The following HNRNPAB variants were observed in gnomAD, a reference collection of about 807,000 sequenced individuals.
HNRNPAB encodes the protein ABBP-1.
A neutral mutation model predicts 44.1 loss-of-function variants in HNRNPAB; 17 were observed. The ratio of observed to expected loss-of-function variants is 0.39; its 90% CI spans 0.26 to 0.58. The LOEUF is 0.58. HNRNPAB is among the 20% of genes least tolerant of loss of function. The pLI, the probability that HNRNPAB is intolerant of heterozygous loss-of-function variation, is 0.63. For synonymous variants in HNRNPAB, 183 were observed against 167.6 expected (o/e 1.09, Z -0.71); for missense variants, 393 against 432.7 (o/e 0.91, Z 0.81).
At chr5:178,205,708 A>G (rs1371196154) in intron 2 of HNRNPAB, 134 bp from the exon 3 acceptor site, 2 of 774,438 alleles carry the variant, frequency 2.6e-6, no homozygotes, top group Non-Finnish European at 4.2e-6. Context: ...GAGATTTAAC[A>G]TCTTTCTAAG....
chr5:178,208,205 G>T (rs1451967361), intron 5 of HNRNPAB, among the ~76,000 whole-genome samples: 2 of 152,200 alleles, frequency 1.3e-5, no homozygotes, highest in Non-Finnish European at 2.9e-5. Flanking sequence ...GCAGGGTGTG[G>T]CAGGTTCTGT....
At chr5:178,210,436 G>C in intron 7 of HNRNPAB, 117 bp from the exon 8 acceptor site, 1 of 1,510,144 alleles carries the variant, frequency 6.6e-7, no homozygotes, top group Non-Finnish European at 9.1e-7. Flanking sequence ...TTAATAACAT[G>C]AGGAAGGCAG....
chr5:178,209,705 G>A (rs927142813), intron 6 of HNRNPAB, among the ~76,000 whole-genome samples: 100 of 152,148 alleles, frequency 6.6e-4, no homozygotes, highest in African/African-American at 2.3e-3. Flanking sequence ...GATGTGATGG[G>A]TGTCTTGGCT....
At chr5:178,206,366 G>A (rs1757057709) in intron 3 of HNRNPAB, among the ~76,000 whole-genome samples, 1 of 152,200 alleles carries the variant, frequency 6.6e-6, no homozygotes, top group Non-Finnish European at 1.5e-5. Flanking sequence ...CTAAGGCTCA[G>A]AAATGTAAGT....
intron 2 of HNRNPAB, among the ~76,000 whole-genome samples, 155 bp downstream of exon 2, chr5:178,205,201 C>T (rs1371724704): frequency 6.6e-6 from 1 of 150,708 alleles, no homozygotes; most frequent in Non-Finnish European, 1.5e-5. Flanking sequence ...CCGGGCCTGG[C>T]GCTGCCACTC....
At position 178,210,778 on chromosome 5, in the gene HNRNPAB, G is replaced by A. The variant is rs981092143; in HGVS notation, c.*155G>A. On this transcript the variant is annotated 3_prime_UTR_variant, in exon 8 of 8. Coordinates refer to ENST00000358344, the MANE Select transcript of HNRNPAB (RefSeq NM_031266.3). Reference sequence around the variant, plus strand: ...CCCCCATGGAAATCACTCTCCTGTTGACTATTTCCAGAGCTCTAGGTGTTT... The same window carrying A: ...CCCCCATGGAAATCACTCTCCTGTTAACTATTTCCAGAGCTCTAGGTGTTT... 3 of 665,336 alleles carry A rather than the reference G, an allele frequency of 4.5e-6. No homozygotes were observed. Among genetic ancestry groups the A allele is most frequent in the Non-Finnish European group, 5.4e-6 (2 of 369,600 alleles). The allele number at this position is 665,336 out of a possible 1,614,324, so 41.2% of individuals were successfully genotyped here.
rs1379002766 is a variant in HNRNPAB at position 178,204,961 on chromosome 5, G to T, written c.124G>T (p.Gly42Cys). The change falls in exon 2 of 8, where the codon GGC becomes TGC. Residue 42 changes from glycine to cysteine, a missense_variant. Gly to Cys is a radical substitution (Grantham distance 159). Around this residue, in one of 3 missense-constraint regions of HNRNPAB, gnomAD observed 81 missense variants for 73.4 expected, o/e 1.10. Coordinates refer to ENST00000358344, the MANE Select transcript of HNRNPAB (RefSeq NM_031266.3). ...CACGGGCGCCGCGGCGGGGGCTGGAGGCGCGACCGCGGCGCCCCCGAGCGG... is the reference window on the plus strand; with the variant it reads ...CACGGGCGCCGCGGCGGGGGCTGGATGCGCGACCGCGGCGCCCCCGAGCGG... ...AGTGAAAGAG[G>C]ATAAPPSGNQ... 9 of 1,209,972 alleles carry T rather than the reference G, an allele frequency of 7.4e-6. No homozygotes were observed. In the East Asian group the frequency reaches 3.0e-4, roughly 40 times the overall value. 75.0% of individuals were successfully genotyped at this position (1,209,972 alleles called of 1,614,324 possible). A position where few individuals can be genotyped will look rare whatever the true frequency, so the allele number is the denominator to read the frequency against.
At chr5:178,205,118 G>T in intron 2 of HNRNPAB, 72 bp downstream of exon 2, 1 of 1,091,108 alleles carries the variant, frequency 9.2e-7, no homozygotes, top group Non-Finnish European at 1.1e-6. Flanking sequence ...GCCACGCGGC[G>T]GGGGGAGGGG....
At chr5:178,205,676 G>T in intron 2 of HNRNPAB, 166 bp from the exon 3 acceptor site, 1 of 643,534 alleles carries the variant, frequency 1.6e-6, no homozygotes, top group South Asian at 2.1e-5. Context: ...GGTCCTGGTT[G>T]AGTTCAATTT....
chr5:178,205,650 T>C (rs1757027065), intron 2 of HNRNPAB, 192 bp from the exon 3 acceptor site: 1 of 576,072 alleles, frequency 1.7e-6, no homozygotes, highest in South Asian at 2.3e-5. Context: ...TGCAGAGCCT[T>C]GTTAAGCCTC....
At position 178,209,391 on chromosome 5, in the gene HNRNPAB, G is replaced by A. The variant is rs1757455217; in HGVS notation, c.731G>A (p.Gly244Asp). ...CAGCAGCAGCAGTATGGCTCTGGGG[G>A]CCGTGGAAACCGCAACCGAGGGAAC... ...VYQQQQYGSG[G>D]RGNRNRGNRG... is the part of the protein sequence containing the mutation. Residue 244 changes from glycine (G) to aspartate (D), a missense_variant, in exon 6 of 8, where the codon GGC becomes GAC. Around this residue, in one of 3 missense-constraint regions of HNRNPAB, gnomAD observed 210 missense variants for 196.9 expected, o/e 1.07. Coordinates refer to ENST00000358344, the MANE Select transcript of HNRNPAB (RefSeq NM_031266.3). The A allele has an allele frequency of 6.2e-7, 1 of 1,614,200 alleles. No individual in the cohort carries two copies. The highest frequency in any genetic ancestry group is 8.5e-7 in the Non-Finnish European group (1 of 1,180,030).
intron 7 of HNRNPAB, 117 bp from the exon 8 acceptor site, chr5:178,210,436 G>T: frequency 6.6e-7 from 1 of 1,510,144 alleles, no homozygotes. Context: ...TTAATAACAT[G>T]AGGAAGGCAG....
rs11546685 is a variant in HNRNPAB at position 178,204,945 on chromosome 5, C to T, written c.108C>T (p.Ala36=). 2.5e-6 allele frequency: 3 copies of T among 1,209,986 alleles called. No individual in the cohort carries two copies. The highest frequency in any genetic ancestry group is 4.4e-5 in the Admixed American group (1 of 22,882). The allele number at this position is 1,209,986 out of a possible 1,614,324, so 75.0% of individuals were successfully genotyped here. ...GESPAGAGTG[A]AAGAGGATAA... is the part of the protein sequence containing the mutation. Reference sequence around the variant, plus strand: ...CGCCGGCCGGGGCTGGCACGGGCGCCGCGGCGGGGGCTGGAGGCGCGACCG... The same window carrying T: ...CGCCGGCCGGGGCTGGCACGGGCGCTGCGGCGGGGGCTGGAGGCGCGACCG... Residue 36 remains alanine (A), a synonymous_variant, in exon 2 of 8, where the codon GCC becomes GCT. Coordinates refer to ENST00000358344, the MANE Select transcript of HNRNPAB (RefSeq NM_031266.3).
At position 178,210,150 on chromosome 5, in the gene HNRNPAB, A is replaced by G; in HGVS notation, c.806A>G (p.Asn269Ser). 6.2e-7 allele frequency: 1 copy of G among 1,614,120 alleles called. No individual in the cohort carries two copies. Among genetic ancestry groups the G allele is most frequent in the Non-Finnish European group, 8.5e-7 (1 of 1,179,954 alleles). ...GGGGGQSQSWNQGYGNYWNQG... is the reference protein window; with the variant it reads ...GGGGGQSQSWSQGYGNYWNQG... ...CCCACAGGTCAGAGTCAGAGTTGGA[A>G]TCAGGGCTACGGCAACTACTGGAAC... The change falls in exon 7 of 8, where the codon AAT (asparagine) becomes AGT (serine). Residue 269 changes from asparagine to serine, a missense_variant. By Grantham distance (46) the Asn-to-Ser change is conservative (BLOSUM62 1). Around this residue, in one of 3 missense-constraint regions of HNRNPAB, gnomAD observed 210 missense variants for 196.9 expected, o/e 1.07. Transcript: ENST00000358344.
intron 7 of HNRNPAB, 73 bp from the exon 8 acceptor site, chr5:178,210,480 A>T: frequency 6.6e-7 from 1 of 1,508,824 alleles, no homozygotes; most frequent in Non-Finnish European, 9.2e-7. Context: ...GGTCCTGGGA[A>T]GATGCATATC....
chr5:178,210,346 T>C (rs1757843077), intron 7 of HNRNPAB, 74 bp downstream of exon 7: 2 of 1,603,842 alleles, frequency 1.2e-6, no homozygotes, highest in Non-Finnish European at 8.5e-7. Flanking sequence ...TAGGAGCCAC[T>C]GGCAGCAGGG....
intron 6 of HNRNPAB, 42 bp from the exon 7 acceptor site, chr5:178,210,090 G>A: frequency 1.2e-6 from 2 of 1,607,830 alleles, no homozygotes; most frequent in Middle Eastern, 1.7e-4. Flanking sequence ...TCCTGCGTAT[G>A]CTAAATGGTC....
In HNRNPAB at chr5:178,205,825, T is replaced by A. The variant is rs1188266369; in HGVS notation, c.210-17T>A. On this transcript the variant is annotated splice_polypyrimidine_tract_variant and intron_variant, in intron 2 of 7. Coordinates refer to ENST00000358344, the MANE Select transcript of HNRNPAB (RefSeq NM_031266.3). ...CTTACAAGACTTGTTGCCGTGTGTC[T>A]CACCCTACCATTTCAGAAAAATGTT... is the stretch of plus-strand genomic sequence containing the variant. 6.2e-7 allele frequency: 1 copy of A among 1,609,226 alleles called. No individual in the cohort carries two copies. The highest frequency in any genetic ancestry group is 1.1e-5 in the South Asian group (1 of 90,512).
chr5:178,209,409 G>T lies in HNRNPAB; in HGVS notation c.749G>T (p.Arg250Leu). The T allele has an allele frequency of 6.2e-7, 1 of 1,613,968 alleles. No individual in the cohort carries two copies. The highest frequency in any genetic ancestry group is 8.5e-7 in the Non-Finnish European group (1 of 1,179,804). The change falls in exon 6 of 8, where the codon CGA becomes CTA. Residue 250 changes from arginine (R) to leucine (L), a missense_variant. Coordinates refer to ENST00000358344, the MANE Select transcript of HNRNPAB (RefSeq NM_031266.3). ...YGSGGRGNRNRGNRGSGGGGG... is the reference protein window; with the variant it reads ...YGSGGRGNRNLGNRGSGGGGG... ...TCTGGGGGCCGTGGAAACCGCAACCGAGGGAACCGAGGCAGCGGAGGTGGT... is the reference window on the plus strand; with the variant it reads ...TCTGGGGGCCGTGGAAACCGCAACCTAGGGAACCGAGGCAGCGGAGGTGGT...
Sources: gnomAD v4.1 joint callset for allele counts (sites outside exome capture counted in the v4.1 genomes callset) on GRCh38, gnomAD v4.1.1 for gene constraint, gnomAD v4.1.1 regional missense constraint, MANE v1.5 for transcripts, NCBI Gene and HGNC (gene_info 2026-07-23, HGNC 2026-07-21) for gene names.